DCTN1: variants seen among roughly 807,000 people sequenced by gnomAD.
The protein encoded by DCTN1 is 150 kDa dynein-associated polypeptide.
Under a neutral mutation model 161.2 loss-of-function variants are expected in DCTN1, and 61 were observed. The ratio of observed to expected loss-of-function variants is 0.38; its 90% CI spans 0.31 to 0.47. DCTN1 has a LOEUF of 0.47. Among genes scored for constraint, DCTN1 ranks in the 20% least tolerant of loss-of-function variants. DCTN1 has a pLI of 0.99. For missense variants in DCTN1, 1,404 were observed against 1,623.7 expected (o/e 0.86, Z 2.33); for synonymous variants, 653 against 632.4 (o/e 1.03, Z -0.49).
chr2:74,373,009 G>A (rs1345917742), intron 6 of DCTN1, 61 bp from the exon 7 acceptor site: 1 of 1,521,186 alleles, frequency 6.6e-7, no homozygotes, highest in African/African-American at 1.4e-5. Context: ...ATGGCAGAAA[G>A]ACAGAGAGCA....
chr2:74,376,815 G>A (rs1675255519), intron 4 of DCTN1, 53 bp from the exon 5 acceptor site: 3 of 1,568,240 alleles, frequency 1.9e-6, no homozygotes, highest in East Asian at 2.3e-5. Context: ...CCTGGGCATA[G>A]GTGTTAAGAC....
intron 30 of DCTN1, among the ~76,000 whole-genome samples, chr2:74,362,380 C>T (rs1267114565): frequency 6.6e-6 from 1 of 152,216 alleles, no homozygotes; most frequent in Non-Finnish European, 1.5e-5. Flanking sequence ...CCATGCCCAA[C>T]CGTTCTACCC....
intron 5 of DCTN1, among the ~76,000 whole-genome samples, chr2:74,375,002 C>T (rs1406685254): frequency 6.6e-6 from 1 of 152,170 alleles, no homozygotes; most frequent in Admixed American, 6.5e-5. Context: ...ACATTCTGCC[C>T]CCGCCACCCA....
rs1450439291 is a variant in DCTN1, at chr2:74,368,728, C to T, written c.1854G>A (p.Lys618=). The change falls in exon 16 of 32, where the codon AAG becomes AAA. Residue 618 remains lysine (K), a splice_region_variant and synonymous_variant. Transcript: ENST00000628224. ...VLLLMPRLIC[K]AELIRKQAQE... Reference sequence around the variant, plus strand: ...GGAACATGTGATTGATTGGCCATACCTTGCAAATGAGACGAGGCATGAGCA... The same window carrying T: ...GGAACATGTGATTGATTGGCCATACTTTGCAAATGAGACGAGGCATGAGCA... 1 of 1,614,258 alleles carries T rather than the reference C, an allele frequency of 6.2e-7. No individual in the cohort carries two copies.
chr2:74,367,394 T>G lies in DCTN1; in HGVS notation c.2211A>C (p.Glu737Asp). Residue 737 changes from glutamate (E) to aspartate (D), a missense_variant, in exon 19 of 32, where the codon GAA (glutamate) becomes GAC (aspartate). Glu to Asp is a conservative substitution (Grantham distance 45, BLOSUM62 2). Coordinates refer to ENST00000628224, the MANE Select transcript of DCTN1 (RefSeq NM_004082.5). ...YQHLYSIHLA[E>D]QPEDCTMQLA... ...GCTGCATAGTACAGTCCTCAGGCTG[T>G]TCGGCAAGGTGGATGCTGTACAGAT... 6.2e-7 allele frequency: 1 copy of G among 1,614,170 alleles called. No individual in the cohort carries two copies. Among genetic ancestry groups the G allele is most frequent in the Non-Finnish European group, 8.5e-7 (1 of 1,180,038 alleles).
At chr2:74,381,378 T>C (rs1438037336), upstream of DCTN1, among the ~76,000 whole-genome samples, 4 of 152,200 alleles carry the variant, frequency 2.6e-5, no homozygotes, top group African/African-American at 7.2e-5. Flanking sequence ...TTTACCCCGC[T>C]CTACCCTCTT....
chr2:74,370,866 G>A lies in DCTN1; in HGVS notation c.844-41C>T, dbSNP rs1427389846. ...AGGTGGGAGGGGGTACCAGCACAGAGATGCCCCAGGCCTTTCTCACAGTAT... is the reference window on the plus strand; with the variant it reads ...AGGTGGGAGGGGGTACCAGCACAGAAATGCCCCAGGCCTTTCTCACAGTAT... On this transcript the variant is annotated intron_variant, in intron 9 of 31. Transcript: ENST00000628224. The surrounding 1 kb of genome is among the most constrained non-coding windows in gnomAD (Gnocchi z 4.4). The A allele has an allele frequency of 9.9e-6, 16 of 1,613,530 alleles. No homozygotes were observed. Among genetic ancestry groups the A allele is most frequent in the Non-Finnish European group, 1.4e-5 (16 of 1,179,550 alleles).
In DCTN1 at chr2:74,370,634, C is replaced by A. The variant is rs752061725; in HGVS notation, c.1035G>T (p.Glu345Asp). 3.7e-6 allele frequency: 6 copies of A among 1,614,108 alleles called. 1 individual carries two copies. The South Asian group carries it at 5.5e-5, about 15-fold the overall frequency. Residue 345 changes from glutamate to aspartate, a missense_variant, in exon 10 of 32, where the codon GAG becomes GAT. By Grantham distance (45) the Glu-to-Asp change is conservative. Transcript: ENST00000628224. This position sits in a 1 kb window ranked among gnomAD's most constrained non-coding sequence, Gnocchi z 4.4. ...TGGGCCCCTTACCCTTCTCTTCAAT[C>A]TCAGCCTTGAGGATCTCTAAGTCAG... ...LTTDLEILKA[E>D]IEEKGSDGAA...
In DCTN1 at chr2:74,362,166, G is replaced by A. The variant is rs373708354; in HGVS notation, c.3610-25C>T. 21 of 1,609,428 alleles carry A rather than the reference G, an allele frequency of 1.3e-5. No homozygotes were observed. The African/African-American group carries it at 2.4e-4, about 18-fold the overall frequency. On this transcript the variant is annotated intron_variant, in intron 30 of 31. Coordinates refer to ENST00000628224, the MANE Select transcript of DCTN1 (RefSeq NM_004082.5). ...CCTAGGGAAGGGGAGAGGAAGACAA[G>A]GGTTCATTTATGGGACCCCCACAGG...
At chr2:74,381,996 G>T (rs1482177705), upstream of DCTN1, among the ~76,000 whole-genome samples, 1 of 152,172 alleles carries the variant, frequency 6.6e-6, no homozygotes, top group Non-Finnish European at 1.5e-5. Context: ...CTTCCCTGAA[G>T]ACACACAGAC....
chr2:74,367,252 C>T (rs1573154180), intron 19 of DCTN1, 100 bp downstream of exon 19: 6 of 1,544,744 alleles, frequency 3.9e-6, no homozygotes, highest in East Asian at 2.3e-5. Context: ...GTAACTCTGC[C>T]CTAGTCTTAT....
Position 74,365,220 on chromosome 2 carries a change from A to G in DCTN1, c.3051T>C (p.Asp1017=), listed in dbSNP as rs1573147984. Residue 1017 remains aspartate (D), a synonymous_variant, in exon 26 of 32, where the codon GAT becomes GAC. Coordinates refer to ENST00000628224, the MANE Select transcript of DCTN1 (RefSeq NM_004082.5). ...KKEKEFEETM[D]ALQADIDQLE... The stretch of plus-strand genomic sequence containing the variant: ...GCTGGTCGATGTCAGCCTGGAGTGC[A>G]TCCATTGTCTCCTCAAACTCTCTGT... 1.2e-6 allele frequency: 2 copies of G among 1,614,038 alleles called. No homozygotes were observed. The highest frequency in any genetic ancestry group is 1.3e-5 in the African/African-American group (1 of 74,906).
At chr2:74,367,650 A>G (rs749891860) in intron 18 of DCTN1, 46 bp downstream of exon 18, 44 of 1,613,346 alleles carry the variant, frequency 2.7e-5, no homozygotes, top group Non-Finnish European at 3.6e-5. Flanking sequence ...CCATCAAGTG[A>G]AAGCTTCCCT....
chr2:74,361,936 C>G lies in DCTN1; in HGVS notation c.3699+116G>C, dbSNP rs763740929. ...GTAAGTAAAATTTGGCCAGATAACCCAAGGTATGCAGTTGTTAGACCTGAG... is the reference window on the plus strand; with the variant it reads ...GTAAGTAAAATTTGGCCAGATAACCGAAGGTATGCAGTTGTTAGACCTGAG... On this transcript the variant is annotated intron_variant, in intron 31 of 31. Coordinates refer to ENST00000628224, the MANE Select transcript of DCTN1 (RefSeq NM_004082.5). 3.4e-6 allele frequency: 4 copies of G among 1,163,174 alleles called. No individual in the cohort carries two copies. The South Asian group carries it at 5.1e-5, about 15-fold the overall frequency. 72.1% of individuals were successfully genotyped at this position (1,163,174 alleles called of 1,614,324 possible).
rs186803121 is a variant in DCTN1 at position 74,378,376 on chromosome 2, C to T, written c.34-131G>A. 568 of 1,186,086 alleles carry T rather than the reference C, an allele frequency of 4.8e-4. 3 individuals carry two copies. The African/African-American group carries it at 7.8e-3, about 16-fold the overall frequency. The allele number at this position is 1,186,086 out of a possible 1,614,324, so 73.5% of individuals were successfully genotyped here. ...GAGTCATTTTCTTAAACCCCATTTA[C>T]AGAATTGGGTGGACCCCCAAATTCC... On this transcript the variant is annotated intron_variant, in intron 1 of 31. Transcript: ENST00000628224.
rs746414153 is a variant in DCTN1 at position 74,367,384 on chromosome 2, C to T, written c.2221G>A (p.Asp741Asn). 4 of 1,614,002 alleles carry T rather than the reference C, an allele frequency of 2.5e-6. No individual in the cohort carries two copies. Among genetic ancestry groups the T allele is most frequent in the African/African-American group, 1.3e-5 (1 of 74,894 alleles). The change falls in exon 19 of 32, where the codon GAC becomes AAC. Residue 741 changes from aspartate to asparagine, a missense_variant. Asp to Asn is a conservative substitution (Grantham distance 23). Around this residue, in one of 9 missense-constraint regions of DCTN1, gnomAD observed 475 missense variants for 489.8 expected, o/e 0.97. Transcript: ENST00000628224. ...TGGTCAGCCAGCTGCATAGTACAGTCCTCAGGCTGTTCGGCAAGGTGGATG... is the reference window on the plus strand; with the variant it reads ...TGGTCAGCCAGCTGCATAGTACAGTTCTCAGGCTGTTCGGCAAGGTGGATG... ...YSIHLAEQPE[D>N]CTMQLADHIK...
chr2:74,362,892 G>A, intron 29 of DCTN1, 102 bp downstream of exon 29: 1 of 1,409,794 alleles, frequency 7.1e-7, no homozygotes, highest in Non-Finnish European at 9.8e-7. Context: ...AACACTGCTG[G>A]GAAGAGCTTC....
In DCTN1 at chr2:74,369,499, A is replaced by G. The variant is rs886056331; in HGVS notation, c.1393-8T>C. On this transcript the variant is annotated splice_polypyrimidine_tract_variant and splice_region_variant and intron_variant, in intron 13 of 31. Coordinates refer to ENST00000628224, the MANE Select transcript of DCTN1 (RefSeq NM_004082.5). This position sits in a 1 kb window ranked among gnomAD's most constrained non-coding sequence, Gnocchi z 4.9. ...CATCTCATTCATCGCTTCCTAGGAC[A>G]CCACACCATAGTTTGGGCTAAAGAA... 1.9e-6 allele frequency: 3 copies of G among 1,611,278 alleles called. No individual in the cohort carries two copies. Among genetic ancestry groups the G allele is most frequent in the Non-Finnish European group, 1.7e-6 (2 of 1,179,964 alleles).
At chr2:74,386,183 T>C (rs1476673748) in intron 1 of DCTN1, among the ~76,000 whole-genome samples, 1 of 152,188 alleles carries the variant, frequency 6.6e-6, no homozygotes, top group East Asian at 1.9e-4. Context: ...CATGGTAAGA[T>C]TCCCTCCTTA....
Sources: gnomAD v4.1 joint callset for allele counts (sites outside exome capture counted in the v4.1 genomes callset) on GRCh38, gnomAD v4.1.1 for gene constraint, gnomAD v4.1.1 regional missense constraint, Gnocchi (gnomAD v3.1) non-coding constraint, MANE v1.5 for transcripts, NCBI Gene and HGNC (gene_info 2026-07-23, HGNC 2026-07-21) for gene names.